OR2AT4: variants seen among roughly 807,000 people sequenced by gnomAD.
OR2AT4 encodes the protein olfactory receptor family 2 subfamily AT member 4, also known as olfactory receptor 2AT4.
In OR2AT4, 6 loss-of-function variants were observed where a neutral mutation model predicts 10.3. That is an observed-to-expected ratio of 0.58 (90% CI 0.32 to 1.15). OR2AT4 has a LOEUF of 1.15. Ranked by LOEUF, OR2AT4 falls within the 50% of genes most tolerant of loss-of-function variation. The pLI, the probability that OR2AT4 is intolerant of heterozygous loss-of-function variation, is 0.05. For missense variants in OR2AT4, 354 were observed against 393.8 expected, an observed-to-expected ratio of 0.90 and a Z score of 0.85; for synonymous variants, 145 against 159.1, an observed-to-expected ratio of 0.91 and a Z score of 0.67.
At chr11:75,088,786 T>C in exon 2 of OR2AT4, 2 of 1,583,516 alleles carry the variant, frequency 1.3e-6, no homozygotes, top group Middle Eastern at 1.7e-4. Flanking sequence ...TCTTGAGACA[T>C]GATTTTGGTG....
exon 2 of OR2AT4, chr11:75,085,942 A>G (rs1483615623): frequency 1.3e-5 from 2 of 152,176 alleles, no homozygotes; most frequent in Non-Finnish European, 2.9e-5. Flanking sequence ...AACATTGACT[A>G]TAAAGCTACA....
At chr11:75,089,142 T>C in exon 2 of OR2AT4, 1 of 1,614,108 alleles carries the variant, frequency 6.2e-7, no homozygotes, top group Non-Finnish European at 8.5e-7. Context: ...GCAGGAGGCC[T>C]GGACCACAGC....
At chr11:75,085,693 A>G (rs1424222791) in exon 2 of OR2AT4, 2 of 152,118 alleles carry the variant, frequency 1.3e-5, no homozygotes, top group Non-Finnish European at 2.9e-5. Context: ...GCAGTTTGTA[A>G]TGAATAAAAT....
At chr11:75,096,695 A>G (rs1591787403) in intron 1 of OR2AT4, 133 bp downstream of exon 1, 1 of 152,188 alleles carries the variant, frequency 6.6e-6, no homozygotes, top group Admixed American at 6.5e-5. Context: ...TGCGTGGTTG[A>G]CTTGGATCCT....
exon 2 of OR2AT4, chr11:75,085,019 A>G (rs1042735396): frequency 1.3e-5 from 2 of 152,114 alleles, no homozygotes; most frequent in African/African-American, 4.8e-5. Flanking sequence ...TAGAAGGAAA[A>G]AAAATATAAA....
At chr11:75,095,747 G>T (rs886630763) in intron 1 of OR2AT4, among the ~76,000 whole-genome samples, 6 of 146,558 alleles carry the variant, frequency 4.1e-5, no homozygotes, top group Non-Finnish European at 8.9e-5. Context: ...GCACGATCTC[G>T]GCTCACTGCA....
chr11:75,090,679 G>A (rs1370998955), intron 1 of OR2AT4, among the ~76,000 whole-genome samples: 2 of 152,146 alleles, frequency 1.3e-5, no homozygotes, highest in African/African-American at 4.8e-5. Flanking sequence ...AAAACATACT[G>A]GAAATTTGAG....
At chr11:75,089,635 T>G in exon 2 of OR2AT4, 1 of 1,613,324 alleles carries the variant, frequency 6.2e-7, no homozygotes, top group Middle Eastern at 1.7e-4. Context: ...AGGAAGAAGG[T>G]CTCTGGCAGA....
intron 1 of OR2AT4, among the ~76,000 whole-genome samples, chr11:75,093,091 T>C (rs1249520923): frequency 6.6e-6 from 1 of 152,222 alleles, no homozygotes; most frequent in Non-Finnish European, 1.5e-5. Context: ...AGAGCAAGAC[T>C]CTGTCTCAAA....
chr11:75,091,743 T>C (rs982799987), intron 1 of OR2AT4, among the ~76,000 whole-genome samples: 13 of 152,170 alleles, frequency 8.5e-5, no homozygotes, highest in East Asian at 1.9e-4. Flanking sequence ...TGATTGTCTA[T>C]GGGTGTGAGG....
At chr11:75,084,365 C>A (rs969989026) in exon 2 of OR2AT4, 15 of 152,098 alleles carry the variant, frequency 9.9e-5, no homozygotes, top group Admixed American at 9.2e-4. Context: ...AATTTTCTTA[C>A]AAACTGGTGA....
In OR2AT4 at chr11:75,089,087, C is replaced by T. The variant is rs577052065; in HGVS notation, c.627G>A (p.Met209Ile). 1.5e-5 allele frequency: 25 copies of T among 1,613,828 alleles called. 1 individual carries two copies. In the African/African-American group the frequency reaches 3.1e-4, roughly 20 times the overall value. Residue 209 changes from methionine (M) to isoleucine (I), a missense_variant, in exon 2 of 2, where the codon ATG becomes ATA. Physicochemically the swap from Met to Ile is conservative, Grantham distance 10. Coordinates refer to ENST00000641504, the Ensembl canonical transcript of OR2AT4. Reference sequence around the variant, plus strand: ...GGAGAAGGGGGAGGAAGGACACCACCATGGCGATGCAGAAGCCCATGAGGG... The same window carrying T: ...GGAGAAGGGGGAGGAAGGACACCACTATGGCGATGCAGAAGCCCATGAGGG...
exon 1 of OR2AT4, chr11:75,096,860 GT>G (rs1949351288): frequency 6.6e-6 from 1 of 152,268 alleles, no homozygotes; most frequent in African/African-American, 2.4e-5. Flanking sequence ...CTTGTGTAGA[GT>G]CGTCACAGTT....
chr11:75,092,465 GATATAA>G lies in OR2AT4; in HGVS notation c.-651-2107_-651-2102del, dbSNP rs988974562. Reference sequence around the variant, plus strand: ...GATAGATAATATATAGATATCTATAGATATAAATATAAATCTATGTAGAGATATAGA... The same window carrying G: ...GATAGATAATATATAGATATCTATAGATATAAATCTATGTAGAGATATAGA... On this transcript the variant is annotated intron_variant, in intron 1 of 1. Transcript: ENST00000641504. 1.2e-4 allele frequency among the ~76,000 whole-genome samples: 18 copies of G among 152,258 alleles called. No homozygotes were observed. In the South Asian group the frequency reaches 3.7e-3, roughly 32 times the overall value.
At chr11:75,082,650 G>T (rs1050337944) in exon 2 of OR2AT4, 5 of 152,018 alleles carry the variant, frequency 3.3e-5, no homozygotes, top group African/African-American at 7.2e-5. Context: ...CCTTGGGAAA[G>T]AATTTATGAC....
Position 75,089,092 on chromosome 11 carries a change from C to A in OR2AT4, c.622G>T (p.Ala208Ser). 5 of 1,613,700 alleles carry A rather than the reference C, an allele frequency of 3.1e-6. No homozygotes were observed. In the South Asian group the frequency reaches 4.4e-5, roughly 14 times the overall value. The change falls in exon 2 of 2, where the codon GCC (alanine) becomes TCC (serine). Residue 208 changes from alanine to serine, a missense_variant. Transcript: ENST00000641504. ...AGGGGGAGGAAGGACACCACCATGG[C>A]GATGCAGAAGCCCATGAGGGTCTGG...
At chr11:75,084,107 C>A (rs1487241803) in exon 2 of OR2AT4, 1 of 152,090 alleles carries the variant, frequency 6.6e-6, no homozygotes, top group Non-Finnish European at 1.5e-5. Flanking sequence ...GATCAGAAAA[C>A]CATGTACTGC....
rs576051057 is a variant in OR2AT4 at position 75,096,433 on chromosome 11, T to C, written c.-652+395A>G. 9.2e-5 allele frequency among the ~76,000 whole-genome samples: 14 copies of C among 152,362 alleles called. No homozygotes were observed. In the South Asian group the frequency reaches 2.3e-3, roughly 25 times the overall value. On this transcript the variant is annotated intron_variant, in intron 1 of 1. Transcript: ENST00000641504. ...GTTTCCATAGAAAAGGAGCAGGATA[T>C]ACGTGAAGCACAGAATCTAGGTCTA... is the stretch of plus-strand genomic sequence containing the variant.
chr11:75,090,846 T>TCA lies in OR2AT4; in HGVS notation c.-651-484_-651-483dup, dbSNP rs77512650. Among the ~76,000 whole-genome samples, 551 of 152,114 alleles carry TCA rather than the reference T, an allele frequency of 3.6e-3. 3 individuals carry two copies. The highest frequency in any genetic ancestry group is 0.013 in the African/African-American group (524 of 41,512). ...AGAGAATAGAGGAAGAGGGATTTCC[T>TCA]CACACACACACTGGTATTTCCTCTC... On this transcript the variant is annotated intron_variant, in intron 1 of 1. Coordinates refer to ENST00000641504, the Ensembl canonical transcript of OR2AT4.
Sources: gnomAD v4.1 joint callset for allele counts (sites outside exome capture counted in the v4.1 genomes callset) on GRCh38, gnomAD v4.1.1 for gene constraint, MANE v1.5 for transcripts, NCBI Gene and HGNC (gene_info 2026-07-23, HGNC 2026-07-21) for gene names.